SIPA1L3: variants seen among roughly 807,000 people sequenced by gnomAD.
The protein encoded by SIPA1L3 is signal induced proliferation associated 1 like 3.
Under a neutral mutation model 150.1 loss-of-function variants are expected in SIPA1L3, and 59 were observed. That is an observed-to-expected ratio of 0.39 (90% confidence interval 0.32 to 0.49). SIPA1L3 has a LOEUF of 0.49. SIPA1L3 is among the 20% of genes least tolerant of loss of function. SIPA1L3 has a pLI of 0.86. For synonymous variants in SIPA1L3, 1,070 were observed against 1,077.6 expected (o/e 0.99, Z 0.14); for missense variants, 2,211 against 2,489.5 (o/e 0.89, Z 2.38).
At chr19:38,101,996 T>C (rs1019262374) in intron 6 of SIPA1L3, among the ~76,000 whole-genome samples, 1 of 151,856 alleles carries the variant, frequency 6.6e-6, no homozygotes, top group African/African-American at 2.4e-5. Flanking sequence ...CTCAGAAGAG[T>C]GGGACCTGAA....
At chr19:37,955,540 G>A (rs191092812) in intron 1 of SIPA1L3, among the ~76,000 whole-genome samples, 55 of 152,170 alleles carry the variant, frequency 3.6e-4, no homozygotes, top group Non-Finnish European at 6.0e-4. Context: ...TTGCTTCCAC[G>A]CCTAGGCCCA....
intron 2 of SIPA1L3, among the ~76,000 whole-genome samples, chr19:38,040,224 G>C (rs1968885969): frequency 6.6e-6 from 1 of 152,006 alleles, no homozygotes; most frequent in African/African-American, 2.4e-5. Flanking sequence ...GTCACTTTTT[G>C]AGTCATCTAC....
intron 1 of SIPA1L3, among the ~76,000 whole-genome samples, chr19:37,962,766 A>C (rs1484010109): frequency 1.3e-5 from 2 of 152,112 alleles, no homozygotes; most frequent in African/African-American, 4.8e-5. Flanking sequence ...TGTTGGGATT[A>C]CAAGCGTGAG....
chr19:38,195,507 C>T (rs979414070), intron 18 of SIPA1L3, among the ~76,000 whole-genome samples: 2 of 152,146 alleles, frequency 1.3e-5, no homozygotes, highest in Admixed American at 6.5e-5. Flanking sequence ...CCCTGCTCCC[C>T]AGGCTTCCCT....
chr19:38,194,158 C>T (rs1219753272), intron 18 of SIPA1L3, among the ~76,000 whole-genome samples: 1 of 145,914 alleles, frequency 6.9e-6, no homozygotes, highest in Non-Finnish European at 1.5e-5. Context: ...GCTTCCTGAG[C>T]ATTTTATTTG....
At chr19:38,186,352 G>A (rs1206156440) in intron 16 of SIPA1L3, 1 of 151,728 alleles carries the variant, frequency 6.6e-6, no homozygotes, top group East Asian at 1.9e-4. Flanking sequence ...TTGCTCTGTT[G>A]CCCAGGTTGG....
chr19:38,005,555 C>G (rs1009191564), intron 1 of SIPA1L3, among the ~76,000 whole-genome samples: 2 of 152,154 alleles, frequency 1.3e-5, no homozygotes, highest in African/African-American at 4.8e-5. Context: ...GGGGGTTGCT[C>G]CGAAGCCCAC....
intron 8 of SIPA1L3, among the ~76,000 whole-genome samples, chr19:38,114,030 C>T (rs1372357918): frequency 6.6e-6 from 1 of 152,144 alleles, no homozygotes; most frequent in Non-Finnish European, 1.5e-5. Flanking sequence ...CAAAAACCTT[C>T]AGCCGTTTGC....
chr19:38,071,090 C>T (rs577586144), intron 2 of SIPA1L3, among the ~76,000 whole-genome samples: 6 of 152,286 alleles, frequency 3.9e-5, no homozygotes, highest in East Asian at 3.9e-4. Context: ...AGGGCACACT[C>T]GGGCACCAAG....
intron 3 of SIPA1L3, among the ~76,000 whole-genome samples, chr19:38,084,686 C>T (rs551644814): frequency 7.6e-4 from 105 of 138,760 alleles, no homozygotes; most frequent in African/African-American, 2.7e-3. Flanking sequence ...CTCGCCCAGG[C>T]TGGAGTACAG....
chr19:38,194,457 G>C (rs1301889148), intron 18 of SIPA1L3, among the ~76,000 whole-genome samples: 1 of 152,134 alleles, frequency 6.6e-6, no homozygotes, highest in Non-Finnish European at 1.5e-5. Context: ...AGGCTGTTTA[G>C]GGTCCATAGT....
intron 1 of SIPA1L3, among the ~76,000 whole-genome samples, chr19:38,022,868 A>G (rs564287798): frequency 1.3e-5 from 2 of 152,358 alleles, no homozygotes; most frequent in African/African-American, 4.8e-5. Context: ...TGGGCCTGTC[A>G]GTAGGTGAAG....
At chr19:38,065,280 G>C (rs960668966) in intron 2 of SIPA1L3, among the ~76,000 whole-genome samples, 2 of 152,032 alleles carry the variant, frequency 1.3e-5, no homozygotes, top group Non-Finnish European at 2.9e-5. Context: ...AAATTGTTCA[G>C]ACTCCATGGG....
intron 1 of SIPA1L3, among the ~76,000 whole-genome samples, chr19:37,917,884 G>A (rs1206796380): frequency 6.6e-6 from 1 of 151,984 alleles, no homozygotes; most frequent in African/African-American, 2.4e-5. Context: ...TTGTGCCTGT[G>A]GTCCCAGCTA....
intron 1 of SIPA1L3, among the ~76,000 whole-genome samples, chr19:37,922,815 C>CA (rs1422757070): frequency 6.6e-6 from 1 of 151,426 alleles, no homozygotes; most frequent in African/African-American, 2.4e-5. Flanking sequence ...GTGGAAGAGT[C>CA]AATCAACAAA....
chr19:38,138,585 C>T (rs962634288), intron 10 of SIPA1L3, among the ~76,000 whole-genome samples: 7 of 21,598 alleles, frequency 3.2e-4, no homozygotes, highest in South Asian at 1.1e-3. Flanking sequence ...TTGCCTCCCC[C>T]TCCCACAGGG....
chr19:37,913,888 G>A (rs1322821542), intron 1 of SIPA1L3, among the ~76,000 whole-genome samples: 1 of 151,560 alleles, frequency 6.6e-6, no homozygotes, highest in Non-Finnish European at 1.5e-5. Flanking sequence ...GGTGACAGGC[G>A]CCTGTAGTCC....
In SIPA1L3 at chr19:38,207,098, C is replaced by T. The variant is rs1055486630; in HGVS notation, c.*858C>T. The T allele has an allele frequency of 6.6e-6, 1 of 152,306 alleles. No individual in the cohort carries two copies. The highest frequency in any genetic ancestry group is 2.4e-5 in the African/African-American group (1 of 41,442). The allele number at this position is 152,306 out of a possible 1,614,324, so 9.4% of individuals were successfully genotyped here. ...CCACACAGCCGACTCTCTCCTCCTC[C>T]TCCCGGCACGACCTGGCCCTGACCA... On this transcript the variant is annotated 3_prime_UTR_variant, in exon 22 of 22. Transcript: ENST00000222345.
intron 2 of SIPA1L3, among the ~76,000 whole-genome samples, chr19:38,074,504 A>C (rs1433252702): frequency 6.6e-6 from 1 of 152,242 alleles, no homozygotes; most frequent in African/African-American, 2.4e-5. Context: ...TGCTGAGGAC[A>C]GGCAGCGCCC....
Sources: allele counts gnomAD v4.1 joint callset (sites outside exome capture counted in the v4.1 genomes callset), GRCh38; gene constraint gnomAD v4.1.1; transcripts MANE v1.5; gene names NCBI Gene and HGNC (gene_info 2026-07-23, HGNC 2026-07-21).